Variants in AGBL1 observed in about 807,000 individuals in gnomAD.
AGBL1 encodes the protein cytosolic carboxypeptidase 4.
A neutral mutation model predicts 118.9 loss-of-function variants in AGBL1; 130 were observed. That is an observed-to-expected ratio of 1.09 (90% CI 0.95 to 1.26). The LOEUF (loss-of-function observed/expected upper bound fraction) is 1.26, where lower values mean the gene tolerates loss of function less well. AGBL1 is among the 50% of genes most tolerant of loss of function. The probability of loss-of-function intolerance (pLI) is 0.00; values close to 1 mark genes in which losing one functional copy is unlikely to be tolerated. For synonymous variants in AGBL1, 555 were observed against 478.9 expected (o/e 1.16, Z -2.08); for missense variants, 1,584 against 1,298.1 (o/e 1.22, Z -3.38).
chr15:86,224,464 A>G (rs1426134459), intron 5 of AGBL1, among the ~76,000 whole-genome samples: 1 of 152,078 alleles, frequency 6.6e-6, no homozygotes, highest in Non-Finnish European at 1.5e-5. Context: ...CCCCAGGGGT[A>G]TGAGTGTTTC....
chr15:86,885,833 C>T (rs1184045624), intron 22 of AGBL1, among the ~76,000 whole-genome samples: 1 of 152,154 alleles, frequency 6.6e-6, no homozygotes, highest in African/African-American at 2.4e-5. Context: ...ATTCATTGCT[C>T]TGTAAACTTC....
chr15:86,844,044 T>C (rs2079284514), intron 22 of AGBL1, among the ~76,000 whole-genome samples: 1 of 152,206 alleles, frequency 6.6e-6, no homozygotes, highest in South Asian at 2.1e-4. Context: ...TCATCTATCT[T>C]ATAGCATTTA....
chr15:86,759,383 C>T (rs1359755493), intron 22 of AGBL1, among the ~76,000 whole-genome samples: 1 of 152,034 alleles, frequency 6.6e-6, no homozygotes, highest in Non-Finnish European at 1.5e-5. Flanking sequence ...TGTTTTCTCA[C>T]TTGTATAATA....
intron 18 of AGBL1, among the ~76,000 whole-genome samples, chr15:86,500,529 T>G (rs201680321): frequency 0.25 from 1 of 4 alleles, no homozygotes; most frequent in Non-Finnish European, 0.5. Flanking sequence ...TCATATACCA[T>G]TGCTATTCAG....
At chr15:86,676,652 AGAG>A (rs985517156) in intron 22 of AGBL1, among the ~76,000 whole-genome samples, 8 of 152,192 alleles carry the variant, frequency 5.3e-5, no homozygotes, top group Admixed American at 5.2e-4. Context: ...TATGTTTTAA[AGAG>A]GAGACCTCTA....
chr15:86,459,658 A>G (rs2082305665), intron 18 of AGBL1, among the ~76,000 whole-genome samples: 1 of 152,104 alleles, frequency 6.6e-6, no homozygotes, highest in Admixed American at 6.6e-5. Flanking sequence ...CACACAATAC[A>G]TGGTTATCTC....
intron 19 of AGBL1, among the ~76,000 whole-genome samples, chr15:86,532,745 A>G (rs574242182): frequency 5.3e-5 from 8 of 150,754 alleles, no homozygotes; most frequent in Non-Finnish European, 1.2e-4. Context: ...AGAGCATGGT[A>G]CTGGTACCAA....
At chr15:86,753,542 C>T (rs574976346) in intron 22 of AGBL1, among the ~76,000 whole-genome samples, 19 of 151,788 alleles carry the variant, frequency 1.3e-4, no homozygotes, top group African/African-American at 2.9e-4. Context: ...GGATTACAGA[C>T]ACCCACCACC....
intron 22 of AGBL1, among the ~76,000 whole-genome samples, chr15:86,695,725 C>G (rs1349713874): frequency 6.6e-6 from 1 of 151,820 alleles, no homozygotes; most frequent in Admixed American, 6.6e-5. Flanking sequence ...TTGATGTAGG[C>G]ATTTAAGATT....
intron 21 of AGBL1, among the ~76,000 whole-genome samples, chr15:86,625,501 G>A (rs16977877): frequency 0.14 from 21,638 of 150,662 alleles, 1,987 homozygotes; most frequent in African/African-American, 0.25. Flanking sequence ...TAATCCCACT[G>A]TAATTGGGGT....
At chr15:86,097,132 C>T (rs569007353) in intron 1 of AGBL1, among the ~76,000 whole-genome samples, 1 of 152,180 alleles carries the variant, frequency 6.6e-6, no homozygotes, top group South Asian at 2.1e-4. Flanking sequence ...CAGCTGTATT[C>T]TAAATGTTAT....
intron 22 of AGBL1, among the ~76,000 whole-genome samples, chr15:86,779,920 A>AACAC (rs201278408): frequency 0.12 from 12,709 of 106,810 alleles, 740 homozygotes; most frequent in African/African-American, 0.16. Context: ...ACACCCCCCC[A>AACAC]ACACACACAC....
rs2080355205 is a variant in AGBL1, at chr15:86,911,775, T to C, written c.*4481T>C. On this transcript the variant is annotated 3_prime_UTR_variant, in exon 23 of 23. Coordinates refer to ENST00000614907, the MANE Select transcript of AGBL1 (RefSeq NM_001386094.1). ...GGAATATCAAAACTCAGTTCAAATA[T>C]CACCTTTCTTCTATAAAACTTGTCC... 1 of 152,192 alleles carries C rather than the reference T, an allele frequency of 6.6e-6. No homozygotes were observed. Among genetic ancestry groups the C allele is most frequent in the Admixed American group, 6.5e-5 (1 of 15,290 alleles). The allele number at this position is 152,192 out of a possible 1,614,324, so 9.4% of individuals were successfully genotyped here.
intron 5 of AGBL1, among the ~76,000 whole-genome samples, chr15:86,176,460 G>A (rs749139264): frequency 1.8e-4 from 27 of 152,302 alleles, no homozygotes; most frequent in Non-Finnish European, 3.4e-4. Flanking sequence ...CTCAGGTTCC[G>A]GGGAGTGCAT....
chr15:86,480,844 C>T (rs1378269649), intron 18 of AGBL1, among the ~76,000 whole-genome samples: 7 of 151,920 alleles, frequency 4.6e-5, no homozygotes. Flanking sequence ...GTCAGAAAGG[C>T]TAAGAATATT....
At chr15:87,002,494 G>A (rs1567281294) in intron 24 of AGBL1, among the ~76,000 whole-genome samples, 2 of 152,136 alleles carry the variant, frequency 1.3e-5, no homozygotes, top group East Asian at 1.9e-4. Context: ...CTTTAAAGTC[G>A]TTTTTTCCAA....
chr15:86,963,766 T>C (rs2081017830), intron 23 of AGBL1, among the ~76,000 whole-genome samples: 1 of 151,952 alleles, frequency 6.6e-6, no homozygotes, highest in African/African-American at 2.4e-5. Context: ...ATTGAACCAC[T>C]GTTCAATGAT....
intron 22 of AGBL1, among the ~76,000 whole-genome samples, chr15:86,825,717 G>A (rs1007589862): frequency 2.0e-5 from 3 of 149,596 alleles, no homozygotes; most frequent in African/African-American, 7.5e-5. Flanking sequence ...GAAAGCGAGA[G>A]AGGGAGGGAG....
intron 5 of AGBL1, among the ~76,000 whole-genome samples, chr15:86,212,314 TAAAG>T (rs939451421): frequency 2.2e-4 from 34 of 152,098 alleles, no homozygotes; most frequent in African/African-American, 7.0e-4. Context: ...AATGTTATAA[TAAAG>T]AAAATTAGAA....
Sources: gnomAD v4.1 joint callset for allele counts (sites outside exome capture counted in the v4.1 genomes callset) on GRCh38, gnomAD v4.1.1 for gene constraint, MANE v1.5 for transcripts, NCBI Gene and HGNC (gene_info 2026-07-23, HGNC 2026-07-21) for gene names.